The following BCAS3 variants were observed in gnomAD, a reference collection of about 807,000 sequenced individuals.
BCAS3 encodes BCAS3 microtubule associated cell migration factor.
A neutral mutation model predicts 116.1 loss-of-function variants in BCAS3; 53 were observed. The observed-to-expected ratio is 0.46, with a 90% CI of 0.37 to 0.57. The LOEUF (loss-of-function observed/expected upper bound fraction) is 0.57. Ranked by LOEUF, BCAS3 falls within the 20% of genes least tolerant of loss-of-function variation. The probability of loss-of-function intolerance (pLI) is 0.00; values close to 1 mark genes in which losing one functional copy is unlikely to be tolerated. For synonymous variants in BCAS3, 391 were observed against 408.2 expected (o/e 0.96, Z 0.51); for missense variants, 917 against 1,165.4 (o/e 0.79, Z 3.10).
chr17:60,778,188 A>G (rs996110460), intron 6 of BCAS3, among the ~76,000 whole-genome samples: 1 of 148,088 alleles, frequency 6.8e-6, no homozygotes, highest in African/African-American at 2.5e-5. Flanking sequence ...TTTTTATTTT[A>G]TCAGTTGTGC....
At chr17:60,957,878 T>C (rs2145292790) in intron 14 of BCAS3, among the ~76,000 whole-genome samples, 1 of 152,338 alleles carries the variant, frequency 6.6e-6, no homozygotes, top group East Asian at 1.9e-4. Context: ...AAATGCCAAA[T>C]ACAGAGTCAA....
chr17:61,099,131 A>T (rs1236819512), intron 22 of BCAS3, among the ~76,000 whole-genome samples: 1 of 152,132 alleles, frequency 6.6e-6, no homozygotes. Flanking sequence ...CTCAAAAAAA[A>T]TAAAAGATAC....
intron 22 of BCAS3, among the ~76,000 whole-genome samples, chr17:61,110,733 A>C (rs957644577): frequency 8.5e-5 from 13 of 152,244 alleles, no homozygotes; most frequent in Non-Finnish European, 1.5e-4. Flanking sequence ...AACTGGGTGG[A>C]GCCCACCACA....
intron 7 of BCAS3, chr17:60,821,744 G>T: frequency 6.6e-6 from 1 of 152,040 alleles, no homozygotes; most frequent in East Asian, 1.9e-4. Context: ...GGAGTACTGT[G>T]GTGCAATCTC....
At chr17:61,182,412 C>CAATAATT (rs2079535333) in intron 22 of BCAS3, among the ~76,000 whole-genome samples, 2 of 152,078 alleles carry the variant, frequency 1.3e-5, no homozygotes, top group Non-Finnish European at 2.9e-5. Context: ...CCCCACTAGC[C>CAATAATT]ATCACCCATC....
In BCAS3 at chr17:61,124,287, C is replaced by T. The variant is rs1601427981; in HGVS notation, c.2425+39723C>T. 6.6e-6 allele frequency among the ~76,000 whole-genome samples: 1 copy of T among 152,086 alleles called. No homozygotes were observed. Among genetic ancestry groups the T allele is most frequent in the African/African-American group, 2.4e-5 (1 of 41,408 alleles). On this transcript the variant is annotated intron_variant, in intron 22 of 23. Transcript: ENST00000407086. This position sits in a 1 kb window ranked among gnomAD's most constrained non-coding sequence, Gnocchi z 4.6. ...AACATGAAGTGATAATACCATTAAT[C>T]TATTAACAAATAATTGCCCTTGGGT...
Position 61,139,887 on chromosome 17 carries a change from A to G in BCAS3, c.2425+55323A>G, listed in dbSNP as rs886312725. Reference sequence around the variant, plus strand: ...TGCCGTTTGAGCTAGAATTTGAGGAATACGTGGAATTTTGGCAGGAGAAGA... The same window carrying G: ...TGCCGTTTGAGCTAGAATTTGAGGAGTACGTGGAATTTTGGCAGGAGAAGA... On this transcript the variant is annotated intron_variant, in intron 22 of 23. Coordinates refer to ENST00000407086, the MANE Select transcript of BCAS3 (RefSeq NM_017679.5). This position sits in a 1 kb window ranked among gnomAD's most constrained non-coding sequence, Gnocchi z 4.7. 6.6e-6 allele frequency among the ~76,000 whole-genome samples: 1 copy of G among 152,122 alleles called. No homozygotes were observed. Among genetic ancestry groups the G allele is most frequent in the African/African-American group, 2.4e-5 (1 of 41,438 alleles).
In BCAS3 at chr17:60,910,558, A is replaced by G. The variant is rs530692672; in HGVS notation, c.849A>G (p.Val283=). Residue 283 remains valine (V), a synonymous_variant, in exon 12 of 24, where the codon GTA becomes GTG. Coordinates refer to ENST00000407086, the MANE Select transcript of BCAS3 (RefSeq NM_017679.5). ...AKTLKSGLTM[V]GKVVTQLTGT... ...CATTGAAAAGTGGCCTGACAATGGT[A>G]GGGAAAGTGGTGACTCAGCTGACAG... 5 of 1,608,222 alleles carry G rather than the reference A, an allele frequency of 3.1e-6. No homozygotes were observed. The African/African-American group carries it at 6.7e-5, about 22-fold the overall frequency.
Position 61,307,022 on chromosome 17 carries a change from C to A in BCAS3, c.2426-61305C>A, listed in dbSNP as rs1404744908. Among the ~76,000 whole-genome samples, 2 of 152,200 alleles carry A rather than the reference C, an allele frequency of 1.3e-5. No individual in the cohort carries two copies. Among genetic ancestry groups the A allele is most frequent in the African/African-American group, 4.8e-5 (2 of 41,452 alleles). On this transcript the variant is annotated intron_variant, in intron 22 of 23. Coordinates refer to ENST00000407086, the MANE Select transcript of BCAS3 (RefSeq NM_017679.5). This position sits in a 1 kb window ranked among gnomAD's most constrained non-coding sequence, Gnocchi z 4.7. ...GCCAATTTGGCATCAGGGCTCTGGGCCTTTGCCCCCAGCTTCTGTGATTCT... is the reference window on the plus strand; with the variant it reads ...GCCAATTTGGCATCAGGGCTCTGGGACTTTGCCCCCAGCTTCTGTGATTCT...
Position 61,034,862 on chromosome 17 carries a change from T to C in BCAS3, c.1762+72T>C. The C allele has an allele frequency of 6.9e-7, 1 of 1,453,016 alleles. No individual in the cohort carries two copies. Among genetic ancestry groups the C allele is most frequent in the Non-Finnish European group, 9.4e-7 (1 of 1,068,468 alleles). 90.0% of individuals were successfully genotyped at this position (1,453,016 alleles called of 1,614,324 possible). On this transcript the variant is annotated intron_variant, in intron 17 of 23. Coordinates refer to ENST00000407086, the MANE Select transcript of BCAS3 (RefSeq NM_017679.5). The surrounding 1 kb of genome is among the most constrained non-coding windows in gnomAD (Gnocchi z 5.0). Reference sequence around the variant, plus strand: ...TTCTTAAGGAAAATTTTTAGCAGTTTCCCTAGAATAATCTTGTACCCAGTA... The same window carrying C: ...TTCTTAAGGAAAATTTTTAGCAGTTCCCCTAGAATAATCTTGTACCCAGTA...
intron 22 of BCAS3, among the ~76,000 whole-genome samples, chr17:61,093,361 C>T (rs558371965): frequency 6.6e-6 from 1 of 152,194 alleles, no homozygotes; most frequent in South Asian, 2.1e-4. Context: ...CCCAAGTGGG[C>T]AGATTGCATG....
intron 7 of BCAS3, chr17:60,810,350 G>A: frequency 4.5e-6 from 2 of 447,352 alleles, no homozygotes; most frequent in Admixed American, 2.8e-5. Context: ...GGGTCCAGGG[G>A]CCTGGTTGTG....
intron 8 of BCAS3, among the ~76,000 whole-genome samples, chr17:60,869,763 A>C (rs2054933581): frequency 6.6e-6 from 1 of 152,198 alleles, no homozygotes; most frequent in African/African-American, 2.4e-5. Flanking sequence ...GAATGGGTAG[A>C]TCCTGCAGAC....
At chr17:60,826,756 G>T (rs1343603519) in intron 7 of BCAS3, among the ~76,000 whole-genome samples, 1 of 152,078 alleles carries the variant, frequency 6.6e-6, no homozygotes, top group Admixed American at 6.6e-5. Flanking sequence ...TATTTGCCTG[G>T]AAATTTAACA....
At position 60,851,522 on chromosome 17, in the gene BCAS3, C is replaced by T. The variant is rs1406500683; in HGVS notation, c.477-17054C>T. 3 of 604,730 alleles carry T rather than the reference C, an allele frequency of 5.0e-6. No homozygotes were observed. In the East Asian group the frequency reaches 1.1e-4, roughly 22 times the overall value. The allele number at this position is 604,730 out of a possible 1,614,324, so 37.5% of individuals were successfully genotyped here. A position where few individuals can be genotyped will look rare whatever the true frequency, so the allele number is the denominator to read the frequency against. On this transcript the variant is annotated intron_variant, in intron 7 of 23. Transcript: ENST00000407086. ...AGGCAGCAGCAAAGCATTGAAACCA[C>T]CATCTGTAAAGCTCTACATGTTCTT...
At chr17:60,868,125 G>A (rs2054785861) in intron 7 of BCAS3, among the ~76,000 whole-genome samples, 1 of 151,376 alleles carries the variant, frequency 6.6e-6, no homozygotes, top group Non-Finnish European at 1.5e-5. Flanking sequence ...CTAGGTTCAA[G>A]CGATTCTCCT....
At chr17:61,184,677 T>A (rs187787672) in intron 22 of BCAS3, among the ~76,000 whole-genome samples, 118 of 152,282 alleles carry the variant, frequency 7.7e-4, no homozygotes, top group African/African-American at 2.7e-3. Context: ...TGCAGCTTCA[T>A]TCGCAATAGC....
chr17:60,785,109 T>C (rs1337372627), intron 6 of BCAS3, among the ~76,000 whole-genome samples: 1 of 152,084 alleles, frequency 6.6e-6, no homozygotes, highest in African/African-American at 2.4e-5. Context: ...AAAAAAAAAG[T>C]ATCTAGCAAT....
At chr17:61,280,378 A>C (rs1225318096) in intron 22 of BCAS3, among the ~76,000 whole-genome samples, 1 of 152,210 alleles carries the variant, frequency 6.6e-6, no homozygotes, top group Non-Finnish European at 1.5e-5. Context: ...TTGTTTCTTA[A>C]AGTCCAAGAG....
Sources: allele counts gnomAD v4.1 joint callset (sites outside exome capture counted in the v4.1 genomes callset), GRCh38; gene constraint gnomAD v4.1.1; non-coding constraint Gnocchi (gnomAD v3.1); transcripts MANE v1.5; gene names NCBI Gene and HGNC (gene_info 2026-07-23, HGNC 2026-07-21).